The following EDNRB variants were observed in gnomAD, a reference collection of about 807,000 sequenced individuals.
The protein encoded by EDNRB is endothelin receptor type B.
In EDNRB, 18 loss-of-function variants were observed where a neutral mutation model predicts 46.4. The ratio of observed to expected loss-of-function variants is 0.39; its 90% CI spans 0.27 to 0.57. The LOEUF is 0.57. EDNRB is among the 20% of genes least tolerant of loss of function. The probability of loss-of-function intolerance (pLI) is 0.61; values close to 1 mark genes in which losing one functional copy is unlikely to be tolerated. For missense variants in EDNRB, 434 were observed against 537.5 expected (o/e 0.81, Z 1.90); for synonymous variants, 213 against 204.9 (o/e 1.04, Z -0.34).
At chr13:77,961,475 C>T (rs986201283) in intron 1 of EDNRB, among the ~76,000 whole-genome samples, 1 of 152,182 alleles carries the variant, frequency 6.6e-6, no homozygotes, top group Non-Finnish European at 1.5e-5. Context: ...GATTAAGAAA[C>T]TCACTCAAAA....
At chr13:77,931,744 C>CAAAAAAAAAAAAA (rs67176737) in intron 1 of EDNRB, among the ~76,000 whole-genome samples, 317 of 83,014 alleles carry the variant, frequency 3.8e-3, no homozygotes, top group African/African-American at 4.2e-3. Context: ...ACTGTAGTAG[C>CAAAAAAAAAAAAA]AAAAAAAAAA....
chr13:77,949,165 A>G (rs952941181), intron 1 of EDNRB, among the ~76,000 whole-genome samples: 9 of 152,232 alleles, frequency 5.9e-5, no homozygotes, highest in South Asian at 2.1e-4. Flanking sequence ...CCACACAGGT[A>G]TGTCACTTAG....
chr13:77,949,665 G>C (rs1881033079), intron 1 of EDNRB, among the ~76,000 whole-genome samples: 1 of 152,156 alleles, frequency 6.6e-6, no homozygotes, highest in South Asian at 2.1e-4. Flanking sequence ...AATAATGCTT[G>C]AAGTCTTGAA....
Position 77,896,643 on chromosome 13 carries a change from C to G in EDNRB, c.*1557G>C. The G allele has an allele frequency of 1.3e-6, 2 of 1,514,448 alleles. No individual in the cohort carries two copies. The highest frequency in any genetic ancestry group is 1.8e-6 in the Non-Finnish European group (2 of 1,133,520). The allele number at this position is 1,514,448 out of a possible 1,614,324, so 93.8% of individuals were successfully genotyped here. On this transcript the variant is annotated 3_prime_UTR_variant, in exon 7 of 7. Coordinates refer to ENST00000646607, the MANE Select transcript of EDNRB (RefSeq NM_001122659.3). ...TGGGCCCAATTTATTTCGAAAGTCA[C>G]TCTGAGAACATTGCACTGTGTTTTG...
At position 77,897,050 on chromosome 13, in the gene EDNRB, G is replaced by A. The variant is rs1878665642; in HGVS notation, c.*1150C>T. ...CTAATCTGTATGATTTTGAAAAATA[G>A]TATTTTAACTATAGCATTATACATA... On this transcript the variant is annotated 3_prime_UTR_variant, in exon 7 of 7. Coordinates refer to ENST00000646607, the MANE Select transcript of EDNRB (RefSeq NM_001122659.3). 1.0e-6 allele frequency: 1 copy of A among 986,618 alleles called. No homozygotes were observed. The allele number at this position is 986,618 out of a possible 1,614,324, so 61.1% of individuals were successfully genotyped here. A position where few individuals can be genotyped will look rare whatever the true frequency, so the allele number is the denominator to read the frequency against.
chr13:77,933,651 A>AT (rs1412151479), intron 1 of EDNRB, among the ~76,000 whole-genome samples: 1 of 152,132 alleles, frequency 6.6e-6, no homozygotes, highest in Non-Finnish European at 1.5e-5. Context: ...TTCTTATATT[A>AT]ATAAGAAAAA....
chr13:77,972,369 T>C (rs1254390091), intron 1 of EDNRB, among the ~76,000 whole-genome samples: 1 of 152,356 alleles, frequency 6.6e-6, no homozygotes, highest in Admixed American at 6.5e-5. Context: ...CTGTCTTAAT[T>C]GCTAAAGTTT....
chr13:77,943,712 C>T (rs1880816760), intron 1 of EDNRB, among the ~76,000 whole-genome samples: 1 of 152,046 alleles, frequency 6.6e-6, no homozygotes, highest in Non-Finnish European at 1.5e-5. Context: ...TCAACTTCCT[C>T]TTCATTATCT....
At chr13:77,963,101 C>T (rs1368834306) in intron 1 of EDNRB, among the ~76,000 whole-genome samples, 2 of 152,170 alleles carry the variant, frequency 1.3e-5, no homozygotes, top group Non-Finnish European at 2.9e-5. Flanking sequence ...CTACAAACCA[C>T]TGCTCAACGA....
At chr13:77,970,518 A>T (rs981095577) in intron 1 of EDNRB, among the ~76,000 whole-genome samples, 1 of 152,044 alleles carries the variant, frequency 6.6e-6, no homozygotes, top group Non-Finnish European at 1.5e-5. Flanking sequence ...TATCCTTATG[A>T]GCCGTCTTGT....
At chr13:77,940,588 G>A (rs1880714493) in intron 1 of EDNRB, among the ~76,000 whole-genome samples, 1 of 152,174 alleles carries the variant, frequency 6.6e-6, no homozygotes, top group Admixed American at 6.5e-5. Flanking sequence ...ACCAACTTAA[G>A]ATGACTGTGG....
chr13:77,934,032 A>G (rs2065460349), intron 1 of EDNRB, among the ~76,000 whole-genome samples: 1 of 152,184 alleles, frequency 6.6e-6, no homozygotes, highest in Non-Finnish European at 1.5e-5. Context: ...AAGATTATTT[A>G]TTTACTTTAA....
chr13:77,955,849 C>G (rs79982884), intron 1 of EDNRB, among the ~76,000 whole-genome samples: 13 of 71,052 alleles, frequency 1.8e-4, no homozygotes, highest in Non-Finnish European at 2.9e-4. Flanking sequence ...GTGTGTGTAT[C>G]TATCTATCTA....
At chr13:77,964,964 T>C (rs528507544) in intron 1 of EDNRB, among the ~76,000 whole-genome samples, 7 of 152,266 alleles carry the variant, frequency 4.6e-5, no homozygotes, top group East Asian at 3.9e-4. Context: ...TGATGAGAGA[T>C]GGATCCAAAT....
At chr13:77,904,877 C>G (rs181250158) in intron 1 of EDNRB, among the ~76,000 whole-genome samples, 3 of 152,086 alleles carry the variant, frequency 2.0e-5, no homozygotes, top group Non-Finnish European at 4.4e-5. Context: ...ACAATGGAGT[C>G]TTTCCATCCT....
At chr13:77,953,369 A>AAT (rs12720133) in intron 1 of EDNRB, among the ~76,000 whole-genome samples, 52 of 150,608 alleles carry the variant, frequency 3.5e-4, no homozygotes, top group South Asian at 8.3e-4. Context: ...TTAAAATATA[A>AAT]ATATATATAT....
At chr13:77,904,590 T>C (rs1412242929) in intron 1 of EDNRB, among the ~76,000 whole-genome samples, 3 of 151,808 alleles carry the variant, frequency 2.0e-5, no homozygotes, top group African/African-American at 7.2e-5. Flanking sequence ...TATATATTTA[T>C]ACACACACAT....
chr13:77,958,473 T>C (rs181197936), intron 1 of EDNRB, among the ~76,000 whole-genome samples: 2,237 of 152,182 alleles, frequency 0.015, 45 homozygotes, highest in East Asian at 0.024. Context: ...CCCGGGTTCA[T>C]GCCATTCTCC....
At chr13:77,973,369 T>C (rs980405761) in intron 1 of EDNRB, among the ~76,000 whole-genome samples, 3 of 152,186 alleles carry the variant, frequency 2.0e-5, no homozygotes, top group African/African-American at 7.2e-5. Context: ...ATTTTTAATA[T>C]TTGACTATAA....
Sources: allele counts gnomAD v4.1 joint callset (sites outside exome capture counted in the v4.1 genomes callset), GRCh38; gene constraint gnomAD v4.1.1; transcripts MANE v1.5; gene names NCBI Gene and HGNC (gene_info 2026-07-23, HGNC 2026-07-21).